The following RP9 variants were observed in gnomAD, a reference collection of about 807,000 sequenced individuals.
RP9 encodes the protein retinitis pigmentosa 9 protein.
RP9 carries 23 observed loss-of-function variants against 32.6 expected under a neutral mutation model. The observed-to-expected ratio is 0.71, with a 90% CI of 0.51 to 1.00. The LOEUF (loss-of-function observed/expected upper bound fraction) is 1.00, where lower values mean the gene tolerates loss of function less well. Ranked by LOEUF, RP9 falls within the 50% of genes least tolerant of loss-of-function variation. RP9 has a pLI of 0.00. For missense variants in RP9, 245 were observed against 285.3 expected (o/e 0.86, Z 1.02); for synonymous variants, 94 against 103.6 (o/e 0.91, Z 0.56).
At chr7:33,100,775 T>C in intron 1 of RP9, 1 of 686,968 alleles carries the variant, frequency 1.5e-6, no homozygotes, top group Non-Finnish European at 2.7e-6. Context: ...GGCCAGGCCT[T>C]CCTTATTTCC....
intron 1 of RP9, among the ~76,000 whole-genome samples, chr7:33,101,937 T>C (rs1046755582): frequency 5.3e-5 from 8 of 152,216 alleles, no homozygotes; most frequent in African/African-American, 1.9e-4. Context: ...TAGAAGGAGC[T>C]TGACAGTAAA....
At chr7:33,103,112 C>T (rs1230900583) in intron 1 of RP9, among the ~76,000 whole-genome samples, 1 of 152,224 alleles carries the variant, frequency 6.6e-6, no homozygotes, top group Non-Finnish European at 1.5e-5. Flanking sequence ...AAGGAGGCAA[C>T]ATCAGAGGAA....
At position 33,095,384 on chromosome 7, in the gene RP9, A is replaced by T. The variant is rs1308496422; in HGVS notation, c.516T>A (p.Asp172Glu). 2 of 1,613,618 alleles carry T rather than the reference A, an allele frequency of 1.2e-6. No individual in the cohort carries two copies. Among genetic ancestry groups the T allele is most frequent in the East Asian group, 4.5e-5 (2 of 44,858 alleles). The change falls in exon 6 of 6, where the codon GAT (aspartate) becomes GAA (glutamate). Residue 172 changes from aspartate to glutamate, a missense_variant. Coordinates refer to ENST00000297157, the MANE Select transcript of RP9 (RefSeq NM_203288.2). ...QLLEDSTSDE[D>E]RSSSSSSEGK... is the part of the protein sequence containing the mutation. ...CTTCAGAGGAACTGGAGCTGCTCCT[A>T]TCTTCATCTGAGGTAGAATCCTCCA...
intron 5 of RP9, among the ~76,000 whole-genome samples, chr7:33,096,015 G>C (rs1360750519): frequency 1.3e-5 from 2 of 151,968 alleles, no homozygotes; most frequent in African/African-American, 4.8e-5. Context: ...ATATTTTTTT[G>C]TAAAGATGGG....
intron 1 of RP9, among the ~76,000 whole-genome samples, chr7:33,101,884 C>A (rs1255101494): frequency 6.6e-6 from 1 of 152,116 alleles, no homozygotes; most frequent in East Asian, 1.9e-4. Context: ...TTATCTGTAG[C>A]CATTCATTAG....
intron 5 of RP9, 62 bp from the exon 6 acceptor site, chr7:33,095,494 A>AT (rs1788318146): frequency 6.2e-7 from 1 of 1,604,218 alleles, no homozygotes; most frequent in Non-Finnish European, 8.5e-7. Flanking sequence ...ACAGTTGCTT[A>AT]GATAAATATG....
chr7:33,107,475 T>C (rs79327953), intron 1 of RP9, among the ~76,000 whole-genome samples: 2,368 of 152,322 alleles, frequency 0.016, 44 homozygotes, highest in Middle Eastern at 0.041. Context: ...TTCTGATGCT[T>C]ACGCTAGGGG....
intron 3 of RP9, 35 bp downstream of exon 3, chr7:33,099,272 A>C: frequency 1.2e-6 from 2 of 1,610,794 alleles, no homozygotes; most frequent in Non-Finnish European, 1.7e-6. Flanking sequence ...GAGGCATGTA[A>C]GTTGCATGGA....
At chr7:33,101,543 A>C (rs1788424847) in intron 1 of RP9, among the ~76,000 whole-genome samples, 1 of 151,982 alleles carries the variant, frequency 6.6e-6, no homozygotes, top group Admixed American at 6.6e-5. Flanking sequence ...CAGAAGTTGC[A>C]GTGAGCTGAG....
intron 1 of RP9, among the ~76,000 whole-genome samples, chr7:33,103,360 A>C (rs1366561240): frequency 6.6e-6 from 1 of 152,212 alleles, no homozygotes; most frequent in East Asian, 1.9e-4. Flanking sequence ...GCCCCAGAAA[A>C]AAATCTCCAA....
chr7:33,103,327 C>A (rs1010267824), intron 1 of RP9, among the ~76,000 whole-genome samples: 7 of 152,168 alleles, frequency 4.6e-5, no homozygotes, highest in Non-Finnish European at 8.8e-5. Context: ...GGACTCAAGA[C>A]CCTTCTCTAG....
intron 1 of RP9, among the ~76,000 whole-genome samples, chr7:33,102,575 T>C (rs1788441277): frequency 6.6e-6 from 1 of 152,228 alleles, no homozygotes. Flanking sequence ...TAACTTTCTC[T>C]GAGTAGGAAG....
chr7:33,100,745 G>T (rs532319285), intron 1 of RP9, 184 bp from the exon 2 acceptor site: 1 of 705,052 alleles, frequency 1.4e-6, no homozygotes, highest in South Asian at 1.5e-5. Flanking sequence ...TGTGCTGAGC[G>T]GCACCTGCCA....
chr7:33,100,089 T>G (rs1451299612), intron 2 of RP9: 1 of 219,234 alleles, frequency 4.6e-6, no homozygotes, highest in Non-Finnish European at 9.1e-6. Context: ...CCCTGGCACC[T>G]TGGCCAGGGA....
chr7:33,101,857 C>A (rs1788430641), intron 1 of RP9, among the ~76,000 whole-genome samples: 1 of 152,176 alleles, frequency 6.6e-6, no homozygotes, highest in African/African-American at 2.4e-5. Context: ...ATCTGCACAA[C>A]TTGTGAAGAT....
chr7:33,095,547 A>G (rs1182114541), intron 5 of RP9, 115 bp from the exon 6 acceptor site: 2 of 1,516,220 alleles, frequency 1.3e-6, no homozygotes, highest in African/African-American at 2.8e-5. Context: ...CATGTCACAA[A>G]GACAGTATTT....
At position 33,095,181 on chromosome 7, in the gene RP9, T is replaced by C; in HGVS notation, c.*53A>G. Reference sequence around the variant, plus strand: ...GCTGCTTTCTCTGACTGCATCTTCCTCTGTTCCTTGGTCAGTGTTTGAGAA... The same window carrying C: ...GCTGCTTTCTCTGACTGCATCTTCCCCTGTTCCTTGGTCAGTGTTTGAGAA... On this transcript the variant is annotated 3_prime_UTR_variant, in exon 6 of 6. Coordinates refer to ENST00000297157, the MANE Select transcript of RP9 (RefSeq NM_203288.2). The C allele has an allele frequency of 3.8e-6, 6 of 1,593,256 alleles. No individual in the cohort carries two copies. The highest frequency in any genetic ancestry group is 5.2e-6 in the Non-Finnish European group (6 of 1,161,412).
At chr7:33,097,577 C>A (rs1287945049) in intron 3 of RP9, among the ~76,000 whole-genome samples, 1 of 152,134 alleles carries the variant, frequency 6.6e-6, no homozygotes, top group African/African-American at 2.4e-5. Context: ...AATATTCTAT[C>A]ACCAAGTATT....
chr7:33,095,127 A>G lies in RP9; in HGVS notation c.*107T>C. 8 of 1,341,576 alleles carry G rather than the reference A, an allele frequency of 6.0e-6. No homozygotes were observed. Among genetic ancestry groups the G allele is most frequent in the Non-Finnish European group, 8.6e-6 (8 of 935,578 alleles). The allele number at this position is 1,341,576 out of a possible 1,614,324, so 83.1% of individuals were successfully genotyped here. ...GTGGGAGCTCACTGCTGTGACCCAC[A>G]TATACTCCTCTCTCGGCGTCTCTAT... On this transcript the variant is annotated 3_prime_UTR_variant, in exon 6 of 6. Transcript: ENST00000297157.
Sources: gnomAD v4.1 joint callset for allele counts (sites outside exome capture counted in the v4.1 genomes callset) on GRCh38, gnomAD v4.1.1 for gene constraint, MANE v1.5 for transcripts, NCBI Gene and HGNC (gene_info 2026-07-23, HGNC 2026-07-21) for gene names.